Variants in CDYL observed in about 807,000 individuals in gnomAD.
The protein encoded by CDYL is chromodomain Y-like protein.
Under a neutral mutation model 47.3 loss-of-function variants are expected in CDYL, and 8 were observed. That is an observed-to-expected ratio of 0.17 (90% CI 0.10 to 0.31). The LOEUF is 0.31. Among genes scored for constraint, CDYL ranks in the 10% least tolerant of loss-of-function variants. The probability of loss-of-function intolerance (pLI) is 1.00; values close to 1 mark genes in which losing one functional copy is unlikely to be tolerated. For missense variants in CDYL, 471 were observed against 701.4 expected (o/e 0.67, Z 3.71); for synonymous variants, 266 against 265.0 (o/e 1.00, Z -0.04).
intron 1 of CDYL, among the ~76,000 whole-genome samples, chr6:4,884,084 C>G (rs1761836966): frequency 6.6e-6 from 1 of 152,132 alleles, no homozygotes; most frequent in African/African-American, 2.4e-5. Flanking sequence ...CTAAAGTGAT[C>G]CATAAAAGCA....
At chr6:4,774,924 G>T (rs1297755668), upstream of CDYL, among the ~76,000 whole-genome samples, 2 of 152,198 alleles carry the variant, frequency 1.3e-5, no homozygotes, top group African/African-American at 4.8e-5. Flanking sequence ...TAGAAGCACC[G>T]CTTAAGGGGA....
chr6:4,871,076 T>C (rs1761459936), intron 1 of CDYL, among the ~76,000 whole-genome samples: 1 of 152,230 alleles, frequency 6.6e-6, no homozygotes, highest in Non-Finnish European at 1.5e-5. Context: ...TTTGTTGTTT[T>C]ATGAGTGTGT....
chr6:4,949,449 C>T (rs1022578851), intron 5 of CDYL, among the ~76,000 whole-genome samples: 3 of 152,234 alleles, frequency 2.0e-5, no homozygotes, highest in South Asian at 2.1e-4. Context: ...GTTTCCTCGC[C>T]ACCCGTCCTG....
chr6:4,792,379 C>G (rs1488077222), intron 1 of CDYL, among the ~76,000 whole-genome samples: 1 of 151,548 alleles, frequency 6.6e-6, no homozygotes, highest in Non-Finnish European at 1.5e-5. Context: ...TTATGTTTCA[C>G]TTGCCAAATT....
intron 3 of CDYL, among the ~76,000 whole-genome samples, chr6:4,771,163 G>C (rs908399109): frequency 3.9e-5 from 6 of 152,008 alleles, no homozygotes; most frequent in African/African-American, 1.4e-4. Flanking sequence ...ATCCAGGCTG[G>C]AGTGCAGTGG....
At chr6:4,936,120 C>T (rs1346090267) in intron 3 of CDYL, among the ~76,000 whole-genome samples, 5 of 152,172 alleles carry the variant, frequency 3.3e-5, no homozygotes, top group Non-Finnish European at 5.9e-5. Flanking sequence ...TGTGTGTGCA[C>T]GCGCTTTGCT....
chr6:4,848,434 T>C (rs997431445), intron 1 of CDYL, among the ~76,000 whole-genome samples: 1 of 152,242 alleles, frequency 6.6e-6, no homozygotes, highest in Admixed American at 6.5e-5. Context: ...CAATTGCTGG[T>C]ACCTTAAGCC....
At chr6:4,922,854 CG>C (rs1757757144) in intron 2 of CDYL, among the ~76,000 whole-genome samples, 1 of 152,182 alleles carries the variant, frequency 6.6e-6, no homozygotes, top group African/African-American at 2.4e-5. Context: ...TGCCCAGCCT[CG>C]GGGTGCGTCT....
At chr6:4,851,641 T>C (rs775839939) in intron 1 of CDYL, among the ~76,000 whole-genome samples, 25 of 152,202 alleles carry the variant, frequency 1.6e-4, no homozygotes, top group Non-Finnish European at 2.6e-4. Flanking sequence ...GAACCACCGT[T>C]TAATTCTTCA....
intron 1 of CDYL, among the ~76,000 whole-genome samples, chr6:4,708,893 CT>C (rs1561816714): frequency 1.3e-5 from 2 of 152,106 alleles, no homozygotes; most frequent in Non-Finnish European, 2.9e-5. Flanking sequence ...GTACTCTCAG[CT>C]GCTTGGGAGG....
chr6:4,917,984 C>T (rs1241230646), intron 2 of CDYL, among the ~76,000 whole-genome samples: 1 of 152,172 alleles, frequency 6.6e-6, no homozygotes, highest in Non-Finnish European at 1.5e-5. Context: ...AGCTACTATT[C>T]ATGTATCTAC....
chr6:4,797,404 A>G (rs915779974), intron 1 of CDYL, among the ~76,000 whole-genome samples: 32 of 148,944 alleles, frequency 2.1e-4, no homozygotes, highest in African/African-American at 7.9e-4. Flanking sequence ...CCTGAATTAC[A>G]TCTTTTTCTT....
chr6:4,717,740 A>AAAAT lies in CDYL; in HGVS notation c.103+1859_103+1860insAAAT, dbSNP rs1491395482. Among the ~76,000 whole-genome samples the AAAAT allele has an allele frequency of 9.4e-4, 112 of 118,820 alleles. 15 individuals carry two copies. Among genetic ancestry groups the AAAAT allele is most frequent in the African/African-American group, 3.6e-3 (109 of 30,048 alleles). The allele number at this position is 118,820 out of a possible 152,430, so 78.0% of individuals were successfully genotyped here. A position where few individuals can be genotyped will look rare whatever the true frequency, so the allele number is the denominator to read the frequency against. The stretch of plus-strand genomic sequence containing the variant: ...AAAAAAAAAAAAAAAAAAAAAAAAA[A>AAAAT]TTAAAAATTGAAAGGGATTTTTGTT... On this transcript the variant is annotated intron_variant, in intron 2 of 8. Coordinates refer to the CDYL transcript ENST00000328908.
intron 1 of CDYL, among the ~76,000 whole-genome samples, chr6:4,830,350 A>G (rs144499946): frequency 7.9e-5 from 12 of 152,058 alleles, no homozygotes; most frequent in Non-Finnish European, 1.6e-4. Flanking sequence ...GCTTTGGGAA[A>G]CTCTCTTCTG....
intron 1 of CDYL, among the ~76,000 whole-genome samples, chr6:4,797,783 T>G (rs1452536121): frequency 6.6e-6 from 1 of 152,242 alleles, no homozygotes; most frequent in Non-Finnish European, 1.5e-5. Flanking sequence ...TGTAGCTGAT[T>G]AATACCCCAT....
At chr6:4,763,717 CG>C (rs1561840659) in intron 3 of CDYL, among the ~76,000 whole-genome samples, 1 of 152,100 alleles carries the variant, frequency 6.6e-6, no homozygotes, top group African/African-American at 2.4e-5. Context: ...CCAACATGGG[CG>C]GATCACTTGA....
chr6:4,840,329 T>C (rs1218135600), intron 1 of CDYL, among the ~76,000 whole-genome samples: 1 of 152,192 alleles, frequency 6.6e-6, no homozygotes, highest in Non-Finnish European at 1.5e-5. Flanking sequence ...AGTTTCTTGG[T>C]ATATGATCAT....
intron 1 of CDYL, among the ~76,000 whole-genome samples, chr6:4,889,446 A>G (rs1761981151): frequency 6.6e-6 from 1 of 151,942 alleles, no homozygotes. Context: ...GCTGGTCTCA[A>G]ACTCCTGACC....
chr6:4,793,869 C>T (rs575008426), intron 1 of CDYL, among the ~76,000 whole-genome samples: 1 of 152,270 alleles, frequency 6.6e-6, no homozygotes, highest in Admixed American at 6.5e-5. Context: ...CTAGAGTGGA[C>T]TTGCCATTTA....
Sources: gnomAD v4.1 joint callset for allele counts (sites outside exome capture counted in the v4.1 genomes callset) on GRCh38, gnomAD v4.1.1 for gene constraint, MANE v1.5 for transcripts, NCBI Gene and HGNC (gene_info 2026-07-23, HGNC 2026-07-21) for gene names.